PRKCE: variants seen among roughly 807,000 people sequenced by gnomAD.
PRKCE encodes the protein protein kinase C epsilon.
Under a neutral mutation model 85.4 loss-of-function variants are expected in PRKCE, and 16 were observed. The observed-to-expected ratio is 0.19, with a 90% CI of 0.13 to 0.28. PRKCE has a LOEUF of 0.28. Ranked by LOEUF, PRKCE falls within the 10% of genes least tolerant of loss-of-function variation. PRKCE has a pLI of 1.00. For synonymous variants in PRKCE, 388 were observed against 371.5 expected, an observed-to-expected ratio of 1.04 and a Z score of -0.51; for missense variants, 573 against 975.2, an observed-to-expected ratio of 0.59 and a Z score of 5.49.
intron 1 of PRKCE, among the ~76,000 whole-genome samples, chr2:45,839,558 A>G (rs1318661853): frequency 6.6e-6 from 1 of 152,234 alleles, no homozygotes; most frequent in African/African-American, 2.4e-5. Flanking sequence ...GGGAGGAGGT[A>G]GCGAGTCTGC....
At chr2:45,926,936 G>T (rs1386611534) in intron 2 of PRKCE, among the ~76,000 whole-genome samples, 3 of 152,082 alleles carry the variant, frequency 2.0e-5, no homozygotes, top group Admixed American at 6.5e-5. Context: ...ACACAGAATG[G>T]TGAGAAGTAT....
In PRKCE at chr2:45,867,782, G is replaced by A. The variant is rs139433110; in HGVS notation, c.412+24719G>A. Among the ~76,000 whole-genome samples the A allele has an allele frequency of 4.1e-4, 62 of 152,180 alleles. No homozygotes were observed. In the East Asian group the frequency reaches 0.011, roughly 27 times the overall value. ...ATGTGTTTTTAAGTTCAAATTTATT[G>A]CTGGCATATAGCAGTTGATTTTTGT... is the stretch of plus-strand genomic sequence containing the variant. On this transcript the variant is annotated intron_variant, in intron 2 of 14. Coordinates refer to ENST00000306156, the MANE Select transcript of PRKCE (RefSeq NM_005400.3).
chr2:45,972,446 G>C (rs1702171670), intron 2 of PRKCE, among the ~76,000 whole-genome samples: 1 of 152,150 alleles, frequency 6.6e-6, no homozygotes, highest in Non-Finnish European at 1.5e-5. Flanking sequence ...TGTTTCCTTT[G>C]CTGTGCAGAA....
intron 1 of PRKCE, among the ~76,000 whole-genome samples, chr2:45,784,214 C>T (rs1686414734): frequency 6.6e-6 from 1 of 152,240 alleles, no homozygotes; most frequent in Non-Finnish European, 1.5e-5. Flanking sequence ...AGGCTTTGGC[C>T]TTGGCCAGGA....
intron 1 of PRKCE, among the ~76,000 whole-genome samples, chr2:45,775,010 C>A (rs1434601367): frequency 6.6e-6 from 1 of 152,128 alleles, no homozygotes; most frequent in African/African-American, 2.4e-5. Flanking sequence ...CAAGTGGATT[C>A]CTCTGCCTTC....
chr2:45,778,248 G>C (rs1057169933), intron 1 of PRKCE, among the ~76,000 whole-genome samples: 27 of 152,196 alleles, frequency 1.8e-4, no homozygotes, highest in Admixed American at 2.0e-4. Context: ...AGCCATGAGG[G>C]GTTTTGAGCA....
chr2:45,743,613 G>C (rs183485838), intron 1 of PRKCE, among the ~76,000 whole-genome samples: 8 of 152,320 alleles, frequency 5.3e-5, no homozygotes, highest in Admixed American at 5.2e-4. Flanking sequence ...TTATCTTTCA[G>C]ATCCCGCCCT....
intron 10 of PRKCE, among the ~76,000 whole-genome samples, chr2:46,014,371 A>G (rs2104824956): frequency 6.6e-6 from 1 of 152,326 alleles, no homozygotes; most frequent in African/African-American, 2.4e-5. Context: ...CCCTCTTACA[A>G]CTAAAAATCC....
At chr2:45,680,363 C>T (rs1451476733) in intron 1 of PRKCE, among the ~76,000 whole-genome samples, 1 of 152,196 alleles carries the variant, frequency 6.6e-6, no homozygotes, top group Non-Finnish European at 1.5e-5. Flanking sequence ...CCCTTCTTTC[C>T]CCTCTGCAGG....
At chr2:46,090,662 A>G (rs1446309231) in intron 11 of PRKCE, among the ~76,000 whole-genome samples, 1 of 152,180 alleles carries the variant, frequency 6.6e-6, no homozygotes, top group Non-Finnish European at 1.5e-5. Flanking sequence ...ACCCTAGAAA[A>G]CACCCCATTT....
Position 45,979,019 on chromosome 2 carries a change from C to T in PRKCE, c.607+9C>T, listed in dbSNP as rs1330631290. The T allele has an allele frequency of 6.3e-7, 1 of 1,598,504 alleles. No homozygotes were observed. ...GGGATACCAGTGTCAAGGTAAGAGG[C>T]ATTTATGAATTAAATCTTCAGAGGC... On this transcript the variant is annotated intron_variant, in intron 4 of 14. Transcript: ENST00000306156.
chr2:45,943,692 G>A (rs889108201), intron 2 of PRKCE, among the ~76,000 whole-genome samples: 1 of 152,136 alleles, frequency 6.6e-6, no homozygotes, highest in East Asian at 1.9e-4. Context: ...CAGACGCCAG[G>A]ATATAACAAA....
At chr2:46,086,161 C>A in intron 10 of PRKCE, 47 bp from the exon 11 acceptor site, 1 of 1,582,770 alleles carries the variant, frequency 6.3e-7, no homozygotes. Flanking sequence ...CCTGTGTGGG[C>A]AGCTGCAATC....
Position 46,041,898 on chromosome 2 carries a change from C to A in PRKCE, c.1437+31381C>A, listed in dbSNP as rs963198559. 5.9e-5 allele frequency among the ~76,000 whole-genome samples: 9 copies of A among 152,162 alleles called. No homozygotes were observed. The highest frequency in any genetic ancestry group is 2.2e-4 in the African/African-American group (9 of 41,456). ...TCTTATTTTCCACACTGGAAACTTA[C>A]CATGAGCAATTCTTTTCAGAGGTTA... On this transcript the variant is annotated intron_variant, in intron 10 of 14. Transcript: ENST00000306156. This position sits in a 1 kb window ranked among gnomAD's most constrained non-coding sequence, Gnocchi z 5.5.
At chr2:46,180,174 G>A (rs1336211283) in intron 14 of PRKCE, among the ~76,000 whole-genome samples, 1 of 152,212 alleles carries the variant, frequency 6.6e-6, no homozygotes, top group Non-Finnish European at 1.5e-5. Flanking sequence ...AGCAGCCCTG[G>A]AGGGATGAGG....
intron 1 of PRKCE, among the ~76,000 whole-genome samples, chr2:45,715,426 T>C (rs921568401): frequency 6.6e-6 from 1 of 152,110 alleles, no homozygotes; most frequent in Non-Finnish European, 1.5e-5. Flanking sequence ...GAACTCAGAG[T>C]CCTTAAAGAT....
At chr2:45,708,328 G>A (rs939034991) in intron 1 of PRKCE, among the ~76,000 whole-genome samples, 1 of 152,174 alleles carries the variant, frequency 6.6e-6, no homozygotes, top group Non-Finnish European at 1.5e-5. Context: ...ATTCCCTTAT[G>A]ACCAGGTGAT....
At chr2:45,686,494 A>C (rs974388876) in intron 1 of PRKCE, 15 of 152,212 alleles carry the variant, frequency 9.9e-5, no homozygotes, top group African/African-American at 3.6e-4. Flanking sequence ...CTTATATGCT[A>C]TACAATATGC....
chr2:45,903,262 G>C (rs753999010), intron 2 of PRKCE, among the ~76,000 whole-genome samples: 33 of 152,324 alleles, frequency 2.2e-4, no homozygotes, highest in Admixed American at 7.2e-4. Flanking sequence ...GGCCATCTTG[G>C]TTCAGAAGTT....
Sources: allele counts gnomAD v4.1 joint callset (sites outside exome capture counted in the v4.1 genomes callset), GRCh38; gene constraint gnomAD v4.1.1; non-coding constraint Gnocchi (gnomAD v3.1); transcripts MANE v1.5; gene names NCBI Gene and HGNC (gene_info 2026-07-23, HGNC 2026-07-21).